VPS8: variants seen among roughly 807,000 people sequenced by gnomAD.
VPS8 encodes the protein VPS8 subunit of CORVET complex, also known as vacuolar protein sorting-associated protein 8 homolog.
Under a neutral mutation model 216.4 loss-of-function variants are expected in VPS8, and 129 were observed. That is an observed-to-expected ratio of 0.60 (90% CI 0.52 to 0.69). The LOEUF is 0.69. Ranked by LOEUF, VPS8 falls within the 30% of genes least tolerant of loss-of-function variation. The probability of loss-of-function intolerance (pLI) is 0.00; values close to 1 mark genes in which losing one functional copy is unlikely to be tolerated. For missense variants in VPS8, 1,531 were observed against 1,683.5 expected, an observed-to-expected ratio of 0.91 and a Z score of 1.59; for synonymous variants, 571 against 565.4, an observed-to-expected ratio of 1.01 and a Z score of -0.14.
chr3:184,918,257 A>T (rs1737969237), intron 28 of VPS8, among the ~76,000 whole-genome samples: 1 of 152,158 alleles, frequency 6.6e-6, no homozygotes, highest in Non-Finnish European at 1.5e-5. Flanking sequence ...TGACCCGTGG[A>T]TTAGGAGGTA....
At position 184,966,651 on chromosome 3, in the gene VPS8, A is replaced by G. The variant is rs141721416; in HGVS notation, c.3274-20A>G. On this transcript the variant is annotated intron_variant, in intron 38 of 47. Coordinates refer to ENST00000625842, the MANE Select transcript of VPS8 (RefSeq NM_001009921.3). ...TATAAAGTGTTCCTTTTTAACTCCT[A>G]TGTTCTTTTTATCTCCTAGAGACTA... 5.1e-5 allele frequency: 79 copies of G among 1,538,638 alleles called. 1 individual carries two copies. In the East Asian group the frequency reaches 9.8e-4, roughly 19 times the overall value.
chr3:184,936,153 A>G, intron 34 of VPS8, 93 bp from the exon 35 acceptor site: 1 of 1,033,386 alleles, frequency 9.7e-7, no homozygotes, highest in South Asian at 1.6e-5. Flanking sequence ...GAAGCTTGCG[A>G]CTGTATTGAG....
intron 1 of VPS8, among the ~76,000 whole-genome samples, chr3:184,817,765 T>G (rs908420438): frequency 6.6e-6 from 1 of 152,254 alleles, no homozygotes; most frequent in African/African-American, 2.4e-5. Context: ...TAATCAAACA[T>G]TTTTCGAATG....
chr3:184,838,195 A>G (rs1721478675), intron 5 of VPS8, among the ~76,000 whole-genome samples: 1 of 152,230 alleles, frequency 6.6e-6, no homozygotes, highest in Non-Finnish European at 1.5e-5. Context: ...GTTACCGGTA[A>G]GGAGCTGGGA....
intron 1 of VPS8, among the ~76,000 whole-genome samples, chr3:184,815,523 G>A (rs1716124722): frequency 6.6e-6 from 1 of 152,170 alleles, no homozygotes; most frequent in Admixed American, 6.5e-5. Context: ...CATAAAAGAT[G>A]TGACTGCAGA....
chr3:184,827,094 T>G (rs1051337107), intron 3 of VPS8, among the ~76,000 whole-genome samples: 1 of 152,214 alleles, frequency 6.6e-6, no homozygotes, highest in Admixed American at 6.5e-5. Flanking sequence ...GCAGTTATGT[T>G]TTCCAAAAGA....
intron 23 of VPS8, among the ~76,000 whole-genome samples, chr3:184,896,321 C>T (rs1182748366): frequency 6.6e-6 from 1 of 152,092 alleles, no homozygotes; most frequent in East Asian, 1.9e-4. Context: ...TACTTTATAA[C>T]ATTTTCAGTC....
chr3:184,855,968 C>G (rs918346441), intron 14 of VPS8, 150 bp downstream of exon 14: 1 of 604,644 alleles, frequency 1.7e-6, no homozygotes. Context: ...TAATGATTAG[C>G]ATCGGAAAAT....
At chr3:185,039,575 G>A (rs1251153584) in intron 46 of VPS8, among the ~76,000 whole-genome samples, 1 of 151,928 alleles carries the variant, frequency 6.6e-6, no homozygotes, top group Non-Finnish European at 1.5e-5. Flanking sequence ...TTGACTAACA[G>A]GGAGACAGGA....
intron 42 of VPS8, among the ~76,000 whole-genome samples, chr3:184,984,382 C>T (rs1375445516): frequency 2.7e-5 from 4 of 150,084 alleles, no homozygotes; most frequent in African/African-American, 9.8e-5. Context: ...CAACCTCCGC[C>T]TCCTGGGTTC....
intron 1 of VPS8, among the ~76,000 whole-genome samples, chr3:184,820,229 T>A (rs942843725): frequency 6.6e-6 from 1 of 152,198 alleles, no homozygotes; most frequent in Non-Finnish European, 1.5e-5. Context: ...AATTAAGAGA[T>A]CAAGACGACT....
At chr3:184,958,554 T>C (rs1745982845) in intron 37 of VPS8, among the ~76,000 whole-genome samples, 1 of 152,304 alleles carries the variant, frequency 6.6e-6, no homozygotes. Context: ...TTGAATGAGG[T>C]GTTCCAGTGA....
intron 11 of VPS8, 74 bp downstream of exon 11, chr3:184,852,641 A>G: frequency 7.0e-7 from 1 of 1,424,416 alleles, no homozygotes; most frequent in South Asian, 1.2e-5. Context: ...TTGAACATGA[A>G]GAGGACTAGA....
At chr3:184,868,749 T>C (rs1727815410) in intron 18 of VPS8, among the ~76,000 whole-genome samples, 197 bp from the exon 19 acceptor site, 1 of 152,240 alleles carries the variant, frequency 6.6e-6, no homozygotes, top group African/African-American at 2.4e-5. Context: ...CGTGGCTCTC[T>C]ATACTAGCAT....
At position 184,875,673 on chromosome 3, in the gene VPS8, A is replaced by G. The variant is rs1170485412; in HGVS notation, c.1734+4868A>G. The stretch of plus-strand genomic sequence containing the variant: ...ATGCTTTCTTGTTCACCCATTCTTT[A>G]TAGAGCCAGACATCTTACAAGAGCT... On this transcript the variant is annotated intron_variant, in intron 21 of 47. Transcript: ENST00000625842. Among the ~76,000 whole-genome samples the G allele has an allele frequency of 6.7e-4, 102 of 152,112 alleles. 1 individual carries two copies. Among genetic ancestry groups the G allele is most frequent in the Non-Finnish European group, 1.0e-4 (7 of 67,982 alleles).
chr3:184,842,151 C>T (rs1722266048), intron 7 of VPS8, among the ~76,000 whole-genome samples: 1 of 126,964 alleles, frequency 7.9e-6, no homozygotes, highest in South Asian at 2.7e-4. Context: ...CGCGCCACTG[C>T]ACTCCAGCCT....
At chr3:184,848,298 C>G (rs1723528513) in intron 8 of VPS8, among the ~76,000 whole-genome samples, 1 of 152,120 alleles carries the variant, frequency 6.6e-6, no homozygotes, top group Non-Finnish European at 1.5e-5. Context: ...CGTTAATTAG[C>G]TTAGTAAATT....
chr3:184,836,550 T>G lies in VPS8; in HGVS notation c.447+1808T>G, dbSNP rs557634835. On this transcript the variant is annotated intron_variant, in intron 5 of 47. Transcript: ENST00000625842. Reference sequence around the variant, plus strand: ...CCAGAGTGTTTGCATTCTGTTTTTATTTGATTGCTATGGCTGAGCTCCTTT... The same window carrying G: ...CCAGAGTGTTTGCATTCTGTTTTTAGTTGATTGCTATGGCTGAGCTCCTTT... 9.2e-5 allele frequency among the ~76,000 whole-genome samples: 14 copies of G among 152,340 alleles called. No individual in the cohort carries two copies. The East Asian group carries it at 2.7e-3, about 29-fold the overall frequency.
At chr3:184,960,096 T>A (rs982299874) in intron 37 of VPS8, among the ~76,000 whole-genome samples, 1 of 152,298 alleles carries the variant, frequency 6.6e-6, no homozygotes, top group Non-Finnish European at 1.5e-5. Context: ...GTGTTTGGTT[T>A]TTTGTCCTTG....
Sources: allele counts gnomAD v4.1 joint callset (sites outside exome capture counted in the v4.1 genomes callset), GRCh38; gene constraint gnomAD v4.1.1; transcripts MANE v1.5; gene names NCBI Gene and HGNC (gene_info 2026-07-23, HGNC 2026-07-21).